DUS2: variants seen among roughly 807,000 people sequenced by gnomAD.
DUS2 encodes dihydrouridine synthase 2, also known as tRNA-dihydrouridine(20) synthase [NAD(P)+]-like.
Under a neutral mutation model 71.3 loss-of-function variants are expected in DUS2, and 52 were observed. The ratio of observed to expected loss-of-function variants is 0.73; its 90% confidence interval spans 0.58 to 0.92. The LOEUF is 0.92. DUS2 is among the 40% of genes least tolerant of loss of function. DUS2 has a pLI of 0.00. For synonymous variants in DUS2, 204 were observed against 227.8 expected, an observed-to-expected ratio of 0.90 and a Z score of 0.94; for missense variants, 558 against 622.6, an observed-to-expected ratio of 0.90 and a Z score of 1.10.
chr16:68,072,857 A>G (rs1181513491), intron 12 of DUS2, among the ~76,000 whole-genome samples: 1 of 152,198 alleles, frequency 6.6e-6, no homozygotes, highest in Non-Finnish European at 1.5e-5. Context: ...CGGTCTGTGG[A>G]GTGATGGTGA....
rs764921105 is a variant in DUS2 at position 68,078,948 on chromosome 16, T to TGGAAG, written c.1444_1445insGGAAG (p.Leu482TrpfsTer107). 3.1e-6 allele frequency: 5 copies of TGGAAG among 1,592,474 alleles called. No homozygotes were observed. The African/African-American group carries it at 6.7e-5, about 21-fold the overall frequency. On this transcript the variant is annotated frameshift_variant, in exon 17 of 17. Coordinates refer to ENST00000565263, the MANE Select transcript of DUS2 (RefSeq NM_017803.5). LOFTEE classifies it high-confidence loss of function. ...TCTGTGCAAGAAGCCCTTTGTGGCC[T>TGGAAG]TGGGAAGTGGTGAAGAAAGCCCCCT...
At chr16:68,027,025 G>A (rs951147396) in intron 2 of DUS2, 3 of 151,826 alleles carry the variant, frequency 2.0e-5, no homozygotes, top group Admixed American at 1.3e-4. Context: ...TGTGAATCTT[G>A]TTCACTCAAG....
In DUS2 at chr16:68,037,083, GA is replaced by G. The variant is rs1350103442; in HGVS notation, c.-18-919del. Among the ~76,000 whole-genome samples the G allele has an allele frequency of 2.0e-5, 3 of 151,050 alleles. No homozygotes were observed. The East Asian group carries it at 5.8e-4, about 29-fold the overall frequency. ...TTTGCCTATACTCTCTGGCTAGAAT[GA>G]AAACTCTGCTTCAGATACTCCAGTG... is the stretch of plus-strand genomic sequence containing the variant. On this transcript the variant is annotated intron_variant, in intron 2 of 16. Coordinates refer to ENST00000565263, the MANE Select transcript of DUS2 (RefSeq NM_017803.5).
At chr16:68,029,332 G>A (rs1263712231) in intron 2 of DUS2, among the ~76,000 whole-genome samples, 1 of 152,206 alleles carries the variant, frequency 6.6e-6, no homozygotes, top group Non-Finnish European at 1.5e-5. Context: ...TAATAGAGAT[G>A]GGGTCTTACT....
At chr16:68,023,969 A>C (rs1007309444) in intron 1 of DUS2, 1 of 167,128 alleles carries the variant, frequency 6.0e-6, no homozygotes, top group Non-Finnish European at 1.5e-5. Context: ...CTAAAATAGT[A>C]GTAAGAAGGG....
rs1199511794 is a variant in DUS2, at chr16:68,038,053, C to A, written c.30C>A (p.Tyr10Ter). MILNSLSLC[Y>*]HNKLILAPMV... is the part of the protein sequence containing the mutation. ...TTTTGAATAGCCTCTCTCTGTGTTA[C>A]CATAATAAGCTAATCCTGGCCCCAA... The change falls in exon 3 of 17, where the codon TAC (tyrosine) becomes TAA (stop). Residue 10 changes from tyrosine (Y) to a stop codon, truncating the protein, a stop_gained. Transcript: ENST00000565263. LOFTEE classifies it high-confidence loss of function. 3 of 1,613,696 alleles carry A rather than the reference C, an allele frequency of 1.9e-6. No homozygotes were observed. Among genetic ancestry groups the A allele is most frequent in the Non-Finnish European group, 2.5e-6 (3 of 1,179,882 alleles).
chr16:68,026,421 C>T (rs2033351604), intron 2 of DUS2, among the ~76,000 whole-genome samples: 1 of 152,156 alleles, frequency 6.6e-6, no homozygotes, highest in Non-Finnish European at 1.5e-5. Context: ...TTTATTGTTC[C>T]TCCATTTTCC....
intron 3 of DUS2, among the ~76,000 whole-genome samples, chr16:68,044,692 C>T (rs1364671617): frequency 6.6e-6 from 1 of 151,948 alleles, no homozygotes; most frequent in Non-Finnish European, 1.5e-5. Flanking sequence ...GCCATTGGGC[C>T]GGGTCAGGTC....
intron 2 of DUS2, among the ~76,000 whole-genome samples, chr16:68,028,493 G>A (rs749910790): frequency 2.8e-4 from 43 of 151,960 alleles, no homozygotes; most frequent in Non-Finnish European, 5.7e-4. Flanking sequence ...CAAAAAATTA[G>A]CTGGGCGTGG....
chr16:68,044,310 T>C (rs765996437), intron 3 of DUS2, among the ~76,000 whole-genome samples: 6 of 152,192 alleles, frequency 3.9e-5, no homozygotes, highest in Non-Finnish European at 8.8e-5. Flanking sequence ...ATCTGTAGAT[T>C]AGTTTACGGA....
Position 68,061,052 on chromosome 16 carries a change from G to A in DUS2, c.370-14G>A, listed in dbSNP as rs2033933288. 2 of 1,613,752 alleles carry A rather than the reference G, an allele frequency of 1.2e-6. No individual in the cohort carries two copies. Among genetic ancestry groups the A allele is most frequent in the Non-Finnish European group, 1.7e-6 (2 of 1,179,704 alleles). ...TCCCAGATGTAAGAAGACCTTTTGT[G>A]TGTTTCTCCTTAGGGAGGAATGGGA... On this transcript the variant is annotated splice_polypyrimidine_tract_variant and intron_variant, in intron 7 of 16. Coordinates refer to ENST00000565263, the MANE Select transcript of DUS2 (RefSeq NM_017803.5).
chr16:68,069,624 C>G (rs968809861), intron 10 of DUS2, among the ~76,000 whole-genome samples: 4 of 152,206 alleles, frequency 2.6e-5, no homozygotes, highest in African/African-American at 9.6e-5. Flanking sequence ...CCGTGCCTTT[C>G]CTGGGTGCGG....
intron 3 of DUS2, among the ~76,000 whole-genome samples, chr16:68,039,624 TG>T (rs2033591136): frequency 6.6e-6 from 1 of 152,046 alleles, no homozygotes; most frequent in Non-Finnish European, 1.5e-5. Flanking sequence ...GGTTTCACTG[TG>T]TTAGCCAGGA....
intron 3 of DUS2, among the ~76,000 whole-genome samples, chr16:68,040,336 G>A (rs575824786): frequency 6.6e-6 from 1 of 152,212 alleles, no homozygotes; most frequent in Admixed American, 6.5e-5. Flanking sequence ...ACCTGCCTTG[G>A]CCTCCCAAAG....
intron 2 of DUS2, among the ~76,000 whole-genome samples, chr16:68,036,933 T>A (rs2033538772): frequency 6.6e-6 from 1 of 152,162 alleles, no homozygotes; most frequent in Non-Finnish European, 1.5e-5. Context: ...TTAAAGCCCA[T>A]GTTGACTTCT....
chr16:68,023,306 C>A lies in DUS2; in HGVS notation c.-144C>A. 1 of 1,332,054 alleles carries A rather than the reference C, an allele frequency of 7.5e-7. No homozygotes were observed. Among genetic ancestry groups the A allele is most frequent in the South Asian group, 1.5e-5 (1 of 68,620 alleles). The allele number at this position is 1,332,054 out of a possible 1,614,324, so 82.5% of individuals were successfully genotyped here. On this transcript the variant is annotated 5_prime_UTR_variant, in exon 1 of 17. Transcript: ENST00000565263. ...CTCAGTACGGTGTGTGGAGCTGGAG[C>A]ACCGTGAGGAAGAAGCGAGGTTCTT...
At chr16:68,041,641 T>C (rs1361030851) in intron 3 of DUS2, among the ~76,000 whole-genome samples, 1 of 151,924 alleles carries the variant, frequency 6.6e-6, no homozygotes, top group Non-Finnish European at 1.5e-5. Flanking sequence ...GGTGAAGCTC[T>C]GTCTCTACTA....
chr16:68,041,810 CAAAA>C (rs775747419), intron 3 of DUS2, among the ~76,000 whole-genome samples: 5 of 56,536 alleles, frequency 8.8e-5, no homozygotes, highest in Non-Finnish European at 7.4e-5. Flanking sequence ...AACTCTGTGT[CAAAA>C]AAAAAAAAAA....
At chr16:68,053,207 C>A (rs189852797) in intron 4 of DUS2, among the ~76,000 whole-genome samples, 1 of 152,164 alleles carries the variant, frequency 6.6e-6, no homozygotes, top group African/African-American at 2.4e-5. Context: ...ATGATCCGCC[C>A]GCCTCGGCCT....
Sources: allele counts gnomAD v4.1 joint callset (sites outside exome capture counted in the v4.1 genomes callset), GRCh38; gene constraint gnomAD v4.1.1; transcripts MANE v1.5; gene names NCBI Gene and HGNC (gene_info 2026-07-23, HGNC 2026-07-21).